The following PRKG1 variants were observed in gnomAD, a reference collection of about 807,000 sequenced individuals.
PRKG1 encodes the protein protein kinase cGMP-dependent 1, also known as cGMP-dependent protein kinase 1.
Under a neutral mutation model 88.1 loss-of-function variants are expected in PRKG1, and 35 were observed. The ratio of observed to expected loss-of-function variants is 0.40; its 90% CI spans 0.30 to 0.53. The LOEUF is 0.53. PRKG1 is among the 20% of genes least tolerant of loss of function. PRKG1 has a pLI of 0.59. For missense variants in PRKG1, 540 were observed against 839.8 expected (o/e 0.64, Z 4.41); for synonymous variants, 303 against 292.5 (o/e 1.04, Z -0.37).
chr10:51,447,877 C>T (rs1839321076), intron 2 of PRKG1, among the ~76,000 whole-genome samples: 1 of 152,048 alleles, frequency 6.6e-6, no homozygotes, highest in South Asian at 2.1e-4. Flanking sequence ...GTTCCCTTAT[C>T]ATCTAGCACA....
chr10:52,187,013 A>T (rs916849341), intron 9 of PRKG1, among the ~76,000 whole-genome samples: 1 of 152,218 alleles, frequency 6.6e-6, no homozygotes, highest in South Asian at 2.1e-4. Context: ...ACCAAATTTT[A>T]TAAAATAATT....
chr10:51,425,160 T>C (rs1383871072), intron 2 of PRKG1, among the ~76,000 whole-genome samples: 1 of 152,232 alleles, frequency 6.6e-6, no homozygotes, highest in Non-Finnish European at 1.5e-5. Context: ...CTGAGAACTA[T>C]ATATCAAATT....
At chr10:52,058,070 T>G (rs1012246441) in intron 6 of PRKG1, among the ~76,000 whole-genome samples, 2 of 151,966 alleles carry the variant, frequency 1.3e-5, no homozygotes, top group African/African-American at 2.4e-5. Context: ...GACATATATA[T>G]TATTAAAATT....
At chr10:51,936,951 A>ATAGT (rs150698782) in intron 5 of PRKG1, among the ~76,000 whole-genome samples, 14,202 of 151,916 alleles carry the variant, frequency 0.093, 1,652 homozygotes, top group African/African-American at 0.27. Flanking sequence ...AGGAATTGAT[A>ATAGT]TAGTTAGAAG....
chr10:51,182,611 A>G (rs1837376513), intron 2 of PRKG1, among the ~76,000 whole-genome samples: 1 of 152,180 alleles, frequency 6.6e-6, no homozygotes, highest in South Asian at 2.1e-4. Flanking sequence ...CTTGCCTAGG[A>G]GTGCATGTGT....
At chr10:51,984,868 T>C (rs1221350445) in intron 5 of PRKG1, among the ~76,000 whole-genome samples, 1 of 152,150 alleles carries the variant, frequency 6.6e-6, no homozygotes, top group African/African-American at 2.4e-5. Flanking sequence ...GGCTGGTACT[T>C]GGTAAGGCAA....
chr10:51,511,529 C>G (rs1841406189), intron 3 of PRKG1, among the ~76,000 whole-genome samples: 2 of 152,096 alleles, frequency 1.3e-5, no homozygotes, highest in African/African-American at 4.8e-5. Flanking sequence ...GAACAATAAA[C>G]TTGAGTAAAT....
chr10:51,739,165 G>A (rs775309664), intron 3 of PRKG1, among the ~76,000 whole-genome samples: 5 of 152,180 alleles, frequency 3.3e-5, no homozygotes, highest in East Asian at 1.9e-4. Flanking sequence ...TAGCCTCATC[G>A]TAATTGCCAT....
At chr10:52,228,390 A>G (rs531139099) in intron 9 of PRKG1, among the ~76,000 whole-genome samples, 2 of 152,256 alleles carry the variant, frequency 1.3e-5, no homozygotes, top group East Asian at 1.9e-4. Flanking sequence ...GACCTGAACT[A>G]AAGGAGAGGG....
At chr10:51,588,557 C>T (rs1487266987) in intron 3 of PRKG1, among the ~76,000 whole-genome samples, 4 of 152,026 alleles carry the variant, frequency 2.6e-5, no homozygotes, top group East Asian at 1.9e-4. Context: ...ATGGACTTTG[C>T]GATTTTTAAC....
chr10:51,101,879 A>T (rs183349396), intron 1 of PRKG1, among the ~76,000 whole-genome samples: 1 of 152,346 alleles, frequency 6.6e-6, no homozygotes, highest in Admixed American at 6.5e-5. Flanking sequence ...GAGGCTAAAA[A>T]TAGATGAATT....
At chr10:51,642,192 C>A (rs1340857517) in intron 3 of PRKG1, among the ~76,000 whole-genome samples, 2 of 152,074 alleles carry the variant, frequency 1.3e-5, no homozygotes, top group Admixed American at 1.3e-4. Flanking sequence ...GAGTTTGAGA[C>A]CAGCCTGACC....
At chr10:51,862,429 A>G (rs1429888320) in intron 4 of PRKG1, among the ~76,000 whole-genome samples, 2 of 152,116 alleles carry the variant, frequency 1.3e-5, no homozygotes, top group Non-Finnish European at 2.9e-5. Flanking sequence ...CCACAGAGTG[A>G]GCCAGTCAGG....
At chr10:51,028,128 G>A (rs1304388654) in intron 1 of PRKG1, among the ~76,000 whole-genome samples, 1 of 152,032 alleles carries the variant, frequency 6.6e-6, no homozygotes, top group Non-Finnish European at 1.5e-5. Flanking sequence ...GAATATTTGA[G>A]AAAGACAAAT....
At chr10:51,061,154 G>A (rs1050912601) in intron 1 of PRKG1, among the ~76,000 whole-genome samples, 1 of 151,452 alleles carries the variant, frequency 6.6e-6, no homozygotes, top group Non-Finnish European at 1.5e-5. Flanking sequence ...AAGGAAAGAG[G>A]TTTAATGGAC....
At chr10:51,481,496 T>C (rs1046946261) in intron 3 of PRKG1, among the ~76,000 whole-genome samples, 2 of 152,006 alleles carry the variant, frequency 1.3e-5, no homozygotes, top group Non-Finnish European at 2.9e-5. Context: ...TGATCCGCCC[T>C]CCCTGGCCTC....
intron 5 of PRKG1, among the ~76,000 whole-genome samples, chr10:51,921,782 A>G (rs891450105): frequency 3.3e-5 from 5 of 152,010 alleles, no homozygotes; most frequent in Admixed American, 2.6e-4. Flanking sequence ...ATGGTATATA[A>G]TTCTTTTTAG....
chr10:52,197,806 C>T (rs1839548167), intron 9 of PRKG1, among the ~76,000 whole-genome samples: 1 of 152,138 alleles, frequency 6.6e-6, no homozygotes, highest in Non-Finnish European at 1.5e-5. Context: ...AGAAATATGG[C>T]TTTTGAATAT....
At chr10:51,282,329 T>A (rs1238261801) in intron 2 of PRKG1, among the ~76,000 whole-genome samples, 2 of 152,136 alleles carry the variant, frequency 1.3e-5, no homozygotes, top group East Asian at 3.9e-4. Flanking sequence ...TAGCTATACA[T>A]GTCTGAAGCT....
Sources: allele counts gnomAD v4.1 joint callset (sites outside exome capture counted in the v4.1 genomes callset), GRCh38; gene constraint gnomAD v4.1.1; transcripts MANE v1.5; gene names NCBI Gene and HGNC (gene_info 2026-07-23, HGNC 2026-07-21).